Variants in CACNA2D1 observed in about 807,000 individuals in gnomAD.
CACNA2D1 encodes the protein voltage-dependent calcium channel subunit alpha-2/delta-1.
Under a neutral mutation model 171.5 loss-of-function variants are expected in CACNA2D1, and 53 were observed. The ratio of observed to expected loss-of-function variants is 0.31; its 90% CI spans 0.25 to 0.39. The LOEUF (loss-of-function observed/expected upper bound fraction) is 0.39. CACNA2D1 is among the 10% of genes least tolerant of loss of function. The probability of loss-of-function intolerance (pLI) is 1.00; values close to 1 mark genes in which losing one functional copy is unlikely to be tolerated. For synonymous variants in CACNA2D1, 442 were observed against 443.1 expected (o/e 1.00, Z 0.03); for missense variants, 903 against 1,299.8 (o/e 0.69, Z 4.69).
chr7:82,341,905 T>C (rs892050897), intron 2 of CACNA2D1, among the ~76,000 whole-genome samples: 1 of 148,118 alleles, frequency 6.8e-6, no homozygotes, highest in African/African-American at 2.5e-5. Context: ...AAAAAAAAAA[T>C]TAGCCAGGCG....
Position 82,038,245 on chromosome 7 carries a change from A to G in CACNA2D1, c.880-10T>C, listed in dbSNP as rs1172160373. ...GAGCATTGCTGTTAAACTGCAAAAGATTAAAAAGTAAATATATAAATGAAC... is the reference window on the plus strand; with the variant it reads ...GAGCATTGCTGTTAAACTGCAAAAGGTTAAAAAGTAAATATATAAATGAAC... On this transcript the variant is annotated splice_polypyrimidine_tract_variant and intron_variant, in intron 10 of 38. Transcript: ENST00000356860. The G allele has an allele frequency of 1.2e-6, 2 of 1,606,512 alleles. No individual in the cohort carries two copies. Among genetic ancestry groups the G allele is most frequent in the Non-Finnish European group, 1.7e-6 (2 of 1,174,548 alleles).
At chr7:82,168,961 G>A (rs916132803) in intron 4 of CACNA2D1, among the ~76,000 whole-genome samples, 1 of 151,942 alleles carries the variant, frequency 6.6e-6, no homozygotes, top group East Asian at 1.9e-4. Flanking sequence ...AGCACCAAGG[G>A]TATTATATCT....
At position 82,383,119 on chromosome 7, in the gene CACNA2D1, T is replaced by C. The variant is rs115355867; in HGVS notation, c.96-33470A>G. On this transcript the variant is annotated intron_variant, in intron 1 of 38. Transcript: ENST00000356860. ...TAAACCCACTAGGTATATTTACACATTTGCCGTTTAGAACACAGCCTTGAA... is the reference window on the plus strand; with the variant it reads ...TAAACCCACTAGGTATATTTACACACTTGCCGTTTAGAACACAGCCTTGAA... Among the ~76,000 whole-genome samples, 1,229 of 152,304 alleles carry C rather than the reference T, an allele frequency of 8.1e-3. 22 individuals carry two copies. The highest frequency in any genetic ancestry group is 0.028 in the African/African-American group (1,166 of 41,568).
intron 19 of CACNA2D1, among the ~76,000 whole-genome samples, chr7:81,996,721 G>A (rs980903026): frequency 2.0e-5 from 3 of 151,330 alleles, no homozygotes; most frequent in African/African-American, 7.3e-5. Context: ...TCTCAGAGGA[G>A]GAAATATGCA....
chr7:82,348,910 A>G (rs187808471), intron 2 of CACNA2D1, among the ~76,000 whole-genome samples: 73 of 152,262 alleles, frequency 4.8e-4, no homozygotes, highest in African/African-American at 1.6e-3. Context: ...ATCTTACAGA[A>G]CCTATACATG....
At chr7:82,299,471 G>A (rs531303548) in intron 3 of CACNA2D1, among the ~76,000 whole-genome samples, 1 of 151,982 alleles carries the variant, frequency 6.6e-6, no homozygotes, top group Non-Finnish European at 1.5e-5. Context: ...GACCAGCCTG[G>A]CCAACATGGT....
intron 18 of CACNA2D1, among the ~76,000 whole-genome samples, chr7:81,998,100 A>G (rs1798233240): frequency 6.6e-6 from 1 of 151,976 alleles, no homozygotes; most frequent in Admixed American, 6.5e-5. Flanking sequence ...CAAAATGAAG[A>G]TTCATTGAAC....
intron 3 of CACNA2D1, among the ~76,000 whole-genome samples, chr7:82,241,951 G>A (rs373534492): frequency 6.6e-6 from 1 of 152,100 alleles, no homozygotes; most frequent in East Asian, 1.9e-4. Context: ...AGAGCCGACT[G>A]ATGATGACAC....
intron 10 of CACNA2D1, among the ~76,000 whole-genome samples, chr7:82,042,909 T>A (rs951681614): frequency 1.3e-5 from 2 of 152,194 alleles, no homozygotes; most frequent in African/African-American, 4.8e-5. Context: ...TTTCTCTGTA[T>A]CCTAGCTTAA....
chr7:82,402,903 T>C (rs1265375778), intron 1 of CACNA2D1, among the ~76,000 whole-genome samples: 2 of 151,952 alleles, frequency 1.3e-5, no homozygotes, highest in African/African-American at 2.4e-5. Flanking sequence ...AGAATGATAA[T>C]AGATTATTAT....
intron 10 of CACNA2D1, among the ~76,000 whole-genome samples, chr7:82,054,670 A>G (rs1428918511): frequency 2.0e-5 from 3 of 152,230 alleles, no homozygotes; most frequent in African/African-American, 7.2e-5. Flanking sequence ...CAGTGTTCTT[A>G]GTAAGCAGAC....
chr7:82,159,301 A>G (rs929464647), intron 4 of CACNA2D1, among the ~76,000 whole-genome samples: 10 of 151,918 alleles, frequency 6.6e-5, no homozygotes, highest in Non-Finnish European at 2.9e-5. Context: ...TTTTTACCCT[A>G]AGTCTTATCA....
intron 6 of CACNA2D1, among the ~76,000 whole-genome samples, chr7:82,102,015 C>T (rs1177813807): frequency 1.3e-5 from 2 of 151,998 alleles, no homozygotes; most frequent in Admixed American, 6.5e-5. Flanking sequence ...TGGAAAGGAA[C>T]AAAAATGTAG....
rs534975229 is a variant in CACNA2D1, at chr7:82,052,080, T to A, written c.879+8348A>T. Among the ~76,000 whole-genome samples, 4 of 152,328 alleles carry A rather than the reference T, an allele frequency of 2.6e-5. No homozygotes were observed. In the South Asian group the frequency reaches 8.3e-4, roughly 32 times the overall value. On this transcript the variant is annotated intron_variant, in intron 10 of 38. Transcript: ENST00000356860. Reference sequence around the variant, plus strand: ...AATAACCCTAAAAATGAGAGGCTACTTGATTTTTCTGTTTGGTGGCTTCTG... The same window carrying A: ...AATAACCCTAAAAATGAGAGGCTACATGATTTTTCTGTTTGGTGGCTTCTG...
chr7:82,390,071 C>T (rs1585772053), intron 1 of CACNA2D1, among the ~76,000 whole-genome samples: 1 of 152,080 alleles, frequency 6.6e-6, no homozygotes, highest in African/African-American at 2.4e-5. Context: ...AGCTCATATT[C>T]CAGAAATCTG....
intron 1 of CACNA2D1, among the ~76,000 whole-genome samples, chr7:82,434,819 T>G (rs114753377): frequency 0.02 from 3,060 of 152,196 alleles, 103 homozygotes; most frequent in African/African-American, 0.07. Context: ...TTAGACTTCT[T>G]TCTTTCATCA....
chr7:82,137,843 G>A (rs2129080893), intron 4 of CACNA2D1, among the ~76,000 whole-genome samples: 1 of 151,448 alleles, frequency 6.6e-6, no homozygotes, highest in African/African-American at 2.4e-5. Context: ...TCGCGCGACA[G>A]AGCGAGACTC....
chr7:82,345,075 A>T (rs1394059533), intron 2 of CACNA2D1, among the ~76,000 whole-genome samples: 1 of 152,084 alleles, frequency 6.6e-6, no homozygotes, highest in African/African-American at 2.4e-5. Context: ...GTTTTTGAGT[A>T]TCTCCCTCTG....
chr7:82,231,243 G>A (rs1802897422), intron 3 of CACNA2D1, among the ~76,000 whole-genome samples: 1 of 152,162 alleles, frequency 6.6e-6, no homozygotes, highest in Non-Finnish European at 1.5e-5. Flanking sequence ...ACCTGCTCTG[G>A]GAACACAGAC....
Sources: gnomAD v4.1 joint callset for allele counts (sites outside exome capture counted in the v4.1 genomes callset) on GRCh38, gnomAD v4.1.1 for gene constraint, MANE v1.5 for transcripts, NCBI Gene and HGNC (gene_info 2026-07-23, HGNC 2026-07-21) for gene names.